ZFHX3: variants seen among roughly 807,000 people sequenced by gnomAD.
ZFHX3 encodes zinc finger homeobox protein 3.
Under a neutral mutation model 279.1 loss-of-function variants are expected in ZFHX3, and 42 were observed. The ratio of observed to expected loss-of-function variants is 0.15; its 90% CI spans 0.12 to 0.19. ZFHX3 has a LOEUF of 0.19. Among genes scored for constraint, ZFHX3 ranks in the 10% least tolerant of loss-of-function variants. The pLI, the probability that ZFHX3 is intolerant of heterozygous loss-of-function variation, is 1.00. For missense variants in ZFHX3, 4,981 were observed against 4,754.0 expected (o/e 1.05, Z -1.40); for synonymous variants, 2,293 against 1,957.8 (o/e 1.17, Z -4.52).
At chr16:72,915,954 T>C (rs2039431643) in intron 3 of ZFHX3, among the ~76,000 whole-genome samples, 1 of 152,258 alleles carries the variant, frequency 6.6e-6, no homozygotes, top group Admixed American at 6.5e-5. Context: ...TTCTTTTCCA[T>C]GCATTTCAAC....
At chr16:73,657,864 A>G (rs1212394414) in intron 2 of ZFHX3, among the ~76,000 whole-genome samples, 6 of 152,194 alleles carry the variant, frequency 3.9e-5, no homozygotes, top group Admixed American at 6.5e-5. Flanking sequence ...CAGACATTTG[A>G]GCTGTTTCCA....
rs2035455241 is a variant in ZFHX3, at chr16:72,787,490, TGTCGTTTGA to T, written c.10777_10785del (p.Asn3594_Ser3596del). On this transcript the variant is annotated inframe_deletion, in exon 10 of 10. Transcript: ENST00000268489. Reference sequence around the variant, plus strand: ...GCGGCGGCCGACGGGGGAGGGGGGCTGTCGTTTGAGTGAGCGGCAGACTGCGAGGTAGAT... The same window carrying T: ...GCGGCGGCCGACGGGGGAGGGGGGCTGTGAGCGGCAGACTGCGAGGTAGAT... 6.2e-7 allele frequency: 1 copy of T among 1,612,290 alleles called. No homozygotes were observed. The highest frequency in any genetic ancestry group is 1.3e-5 in the African/African-American group (1 of 74,608).
chr16:73,613,432 C>A (rs2052266826), intron 2 of ZFHX3, among the ~76,000 whole-genome samples: 1 of 97,974 alleles, frequency 1.0e-5, no homozygotes, highest in African/African-American at 2.7e-5. Flanking sequence ...TTGTTCTTAG[C>A]TTTTGCTTTT....
chr16:73,098,375 T>A (rs1464575197), intron 7 of ZFHX3, among the ~76,000 whole-genome samples: 2 of 151,782 alleles, frequency 1.3e-5, no homozygotes, highest in East Asian at 3.9e-4. Context: ...ACCTGTTTTG[T>A]CTTTGAGATG....
chr16:72,840,139 G>A (rs188007411), intron 4 of ZFHX3, among the ~76,000 whole-genome samples: 92 of 151,374 alleles, frequency 6.1e-4, no homozygotes, highest in African/African-American at 2.1e-3. Context: ...AAAAAAATCC[G>A]TTTCCTTATT....
chr16:73,566,014 G>T (rs937978423), intron 2 of ZFHX3, among the ~76,000 whole-genome samples: 1 of 152,188 alleles, frequency 6.6e-6, no homozygotes, highest in African/African-American at 2.4e-5. Flanking sequence ...GATCCACCTG[G>T]GTAGAAGACC....
chr16:72,788,737 G>GA lies in ZFHX3; in HGVS notation c.9538dup (p.Ser3180PhefsTer59). 6.3e-7 allele frequency: 1 copy of GA among 1,596,132 alleles called. No homozygotes were observed. The highest frequency in any genetic ancestry group is 8.5e-7 in the Non-Finnish European group (1 of 1,171,840). On this transcript the variant is annotated frameshift_variant, in exon 10 of 10. Coordinates refer to ENST00000268489, the MANE Select transcript of ZFHX3 (RefSeq NM_006885.4). LOFTEE classifies it high-confidence loss of function. ...CATCGTGGCTTGTGCTGGGGTTGGGGAGCTCAGCGACGCTGAGGACGGTTT... is the reference window on the plus strand; with the variant it reads ...CATCGTGGCTTGTGCTGGGGTTGGGGAAGCTCAGCGACGCTGAGGACGGTTT...
At chr16:73,632,554 C>T (rs144422656) in intron 2 of ZFHX3, among the ~76,000 whole-genome samples, 353 of 151,892 alleles carry the variant, frequency 2.3e-3, no homozygotes, top group African/African-American at 8.0e-3. Context: ...GGCATGGTGG[C>T]GCGCACCTGT....
rs140437495 is a variant in ZFHX3 at position 72,787,930 on chromosome 16, G to C, written c.10346C>G (p.Ala3449Gly). The stretch of plus-strand genomic sequence containing the variant: ...AATGAAGGGGTCGTAGAGGGAGTCC[G>C]CACTTTTGCTTTCTGCTTCTGGCTC... Reference protein sequence around the residue: ...PEEPEAESKSADSLYDPFIVP... With the variant: ...PEEPEAESKSGDSLYDPFIVP... Residue 3449 changes from alanine to glycine, a missense_variant, in exon 10 of 10, where the codon GCG becomes GGG. Physicochemically the swap from Ala to Gly is moderately conservative, Grantham distance 60 (BLOSUM62 0). Coordinates refer to ENST00000268489, the MANE Select transcript of ZFHX3 (RefSeq NM_006885.4). The C allele has an allele frequency of 6.2e-7, 1 of 1,613,880 alleles. No homozygotes were observed. The highest frequency in any genetic ancestry group is 8.5e-7 in the Non-Finnish European group (1 of 1,180,034).
chr16:73,327,026 T>G (rs2015703940), intron 3 of ZFHX3, among the ~76,000 whole-genome samples: 1 of 152,214 alleles, frequency 6.6e-6, no homozygotes, highest in South Asian at 2.1e-4. Flanking sequence ...AAACCGTATC[T>G]CAAAAGGCTC....
At chr16:73,212,591 C>A (rs189263231) in intron 5 of ZFHX3, among the ~76,000 whole-genome samples, 2 of 152,208 alleles carry the variant, frequency 1.3e-5, no homozygotes, top group African/African-American at 2.4e-5. Flanking sequence ...AATGGTCACA[C>A]GTGTGTGGAG....
Position 72,950,829 on chromosome 16 carries a change from C to G in ZFHX3, c.2856G>C (p.Lys952Asn), listed in dbSNP as rs983727854. 5.6e-6 allele frequency: 9 copies of G among 1,614,056 alleles called. No individual in the cohort carries two copies. The highest frequency in any genetic ancestry group is 6.8e-6 in the Non-Finnish European group (8 of 1,180,058). Residue 952 changes from lysine (K) to asparagine (N), a missense_variant, in exon 3 of 10, where the codon AAG becomes AAC. Physicochemically the swap from Lys to Asn is moderately conservative, Grantham distance 94 (BLOSUM62 0). Coordinates refer to ENST00000268489, the MANE Select transcript of ZFHX3 (RefSeq NM_006885.4). ...GCATGTCCAGGTTGTCCGTCGTGAA[C>G]TTGTTGCAGACGGCGCACTGGAAGA... Reference protein sequence around the residue: ...LKLFQCAVCNKFTTDNLDMLG... With the variant: ...LKLFQCAVCNNFTTDNLDMLG...
At chr16:73,502,368 C>T (rs751486390) in intron 2 of ZFHX3, among the ~76,000 whole-genome samples, 12 of 152,190 alleles carry the variant, frequency 7.9e-5, no homozygotes, top group Non-Finnish European at 1.0e-4. Flanking sequence ...CTCTTTTTGA[C>T]GAGGTCGTCA....
At chr16:73,665,181 T>G (rs1028639150) in intron 2 of ZFHX3, among the ~76,000 whole-genome samples, 4 of 150,934 alleles carry the variant, frequency 2.7e-5, no homozygotes, top group African/African-American at 9.7e-5. Flanking sequence ...TGGGGACCAT[T>G]GAAGAGATGA....
chr16:73,867,649 A>G (rs1043843969), intron 1 of ZFHX3, among the ~76,000 whole-genome samples: 4 of 152,198 alleles, frequency 2.6e-5, no homozygotes, highest in Non-Finnish European at 5.9e-5. Context: ...GATAGTTAAT[A>G]AGTATGTTTA....
In ZFHX3 at chr16:73,296,877, ATTTT is replaced by A. The variant is rs201366558; in HGVS notation, c.-1194+21359_-1194+21362del. Reference sequence around the variant, plus strand: ...TTTATAATTGCCATGTGAAGCAGGAATTTTTTTTTTTTTTTTTTTGAGACGGAGT... The same window carrying A: ...TTTATAATTGCCATGTGAAGCAGGAATTTTTTTTTTTTTTTGAGACGGAGT... On this transcript the variant is annotated intron_variant, in intron 4 of 17. Coordinates refer to the ZFHX3 transcript ENST00000641206. Among the ~76,000 whole-genome samples the A allele has an allele frequency of 7.8e-5, 9 of 116,082 alleles. 1 individual carries two copies. The highest frequency in any genetic ancestry group is 2.4e-4 in the African/African-American group (7 of 28,740). 76.2% of individuals were successfully genotyped at this position (116,082 alleles called of 152,430 possible). A position where few individuals can be genotyped will look rare whatever the true frequency, so the allele number is the denominator to read the frequency against.
chr16:73,584,786 T>C (rs1423623717), intron 2 of ZFHX3, among the ~76,000 whole-genome samples: 1 of 152,040 alleles, frequency 6.6e-6, no homozygotes, highest in African/African-American at 2.4e-5. Flanking sequence ...CAAACAACCA[T>C]GAGAGAGAAC....
At chr16:73,808,053 GA>G (rs1162063086) in intron 1 of ZFHX3, among the ~76,000 whole-genome samples, 1 of 152,120 alleles carries the variant, frequency 6.6e-6, no homozygotes, top group Non-Finnish European at 1.5e-5. Context: ...CTTACACTCA[GA>G]AACCCTAACT....
chr16:73,768,419 A>AC (rs1451062081), intron 1 of ZFHX3, among the ~76,000 whole-genome samples: 1 of 152,178 alleles, frequency 6.6e-6, no homozygotes, highest in Non-Finnish European at 1.5e-5. Flanking sequence ...TATATTATTA[A>AC]TCAGTATTTA....
Sources: allele counts gnomAD v4.1 joint callset (sites outside exome capture counted in the v4.1 genomes callset), GRCh38; gene constraint gnomAD v4.1.1; transcripts MANE v1.5; gene names NCBI Gene and HGNC (gene_info 2026-07-23, HGNC 2026-07-21).